The following ZNF333 variants were observed in gnomAD, a reference collection of about 807,000 sequenced individuals.
The protein encoded by ZNF333 is zinc finger protein 333.
A neutral mutation model predicts 76.1 loss-of-function variants in ZNF333; 61 were observed. That is an observed-to-expected ratio of 0.80 (90% CI 0.65 to 0.99). The LOEUF (loss-of-function observed/expected upper bound fraction) is 0.99, where lower values mean the gene tolerates loss of function less well. Among genes scored for constraint, ZNF333 ranks in the 50% least tolerant of loss-of-function variants. ZNF333 has a pLI of 0.00. For missense variants in ZNF333, 717 were observed against 822.4 expected (o/e 0.87, Z 1.57); for synonymous variants, 284 against 305.0 (o/e 0.93, Z 0.72).
chr19:14,724,114 T>C (rs1268289106), downstream of ZNF333, among the ~76,000 whole-genome samples: 1 of 152,196 alleles, frequency 6.6e-6, no homozygotes, highest in Non-Finnish European at 1.5e-5. Flanking sequence ...CAGGTGCCAC[T>C]GTCTAGGTCC....
At chr19:14,716,864 G>T in intron 9 of ZNF333, 130 bp from the exon 10 acceptor site, 1 of 731,606 alleles carries the variant, frequency 1.4e-6, no homozygotes, top group East Asian at 2.9e-5. Context: ...TTTGGCTGTG[G>T]CCATCAGAAT....
In ZNF333 at chr19:14,721,623, A is replaced by G. The variant is rs1370623819; in HGVS notation, c.*2298A>G. ...AGTTTATGCTTTTTAATTGCTGTGT[A>G]ATAGTCCATAGTCTGAATATACCAC... On this transcript the variant is annotated 3_prime_UTR_variant, in exon 12 of 12. Coordinates refer to ENST00000292530, the MANE Select transcript of ZNF333 (RefSeq NM_032433.4). The G allele has an allele frequency of 3.9e-5, 6 of 152,208 alleles. No individual in the cohort carries two copies. The highest frequency in any genetic ancestry group is 7.2e-5 in the African/African-American group (3 of 41,450). 9.4% of individuals were successfully genotyped at this position (152,208 alleles called of 1,614,324 possible). A position where few individuals can be genotyped will look rare whatever the true frequency, so the allele number is the denominator to read the frequency against.
chr19:14,718,406 G>T lies in ZNF333; in HGVS notation c.1079G>T (p.Arg360Leu). ...SAHLIVPEKI[R>L]SGDKSYACNK... ...CACCTAATTGTGCCCGAGAAAATCC[G>T]TAGTGGGGATAAATCCTATGCATGT... The change falls in exon 12 of 12, where the codon CGT becomes CTT. Residue 360 changes from arginine to leucine, a missense_variant. Transcript: ENST00000292530. The T allele has an allele frequency of 1.2e-6, 2 of 1,614,188 alleles. No individual in the cohort carries two copies. The highest frequency in any genetic ancestry group is 1.1e-5 in the South Asian group (1 of 91,088).
chr19:14,707,934 TAA>T, intron 7 of ZNF333: 1 of 401,076 alleles, frequency 2.5e-6, no homozygotes. Flanking sequence ...TTCTTAGATC[TAA>T]GTCTTGTGTT....
At position 14,719,077 on chromosome 19, in the gene ZNF333, C is replaced by CA; in HGVS notation, c.1751dup (p.His584GlnfsTer38). ...ATCCCTCAGGAAACATGCAAGGACT[C>CA]ACAGTGGCAAGAAGCCCTATGCATG... On this transcript the variant is annotated frameshift_variant, in exon 12 of 12. Coordinates refer to ENST00000292530, the MANE Select transcript of ZNF333 (RefSeq NM_032433.4). LOFTEE classifies it high-confidence loss of function. The CA allele has an allele frequency of 6.2e-7, 1 of 1,614,170 alleles. No individual in the cohort carries two copies.
At chr19:14,714,426 T>G (rs1292211222) in intron 7 of ZNF333, among the ~76,000 whole-genome samples, 1 of 151,914 alleles carries the variant, frequency 6.6e-6, no homozygotes, top group Non-Finnish European at 1.5e-5. Context: ...GAGCCCCAAG[T>G]GTCGATGGCC....
chr19:14,695,634 C>A lies in ZNF333; in HGVS notation c.196C>A (p.Arg66=). 6.2e-7 allele frequency: 1 copy of A among 1,614,160 alleles called. No homozygotes were observed. Among genetic ancestry groups the A allele is most frequent in the Non-Finnish European group, 8.5e-7 (1 of 1,180,024 alleles). The change falls in exon 4 of 12, where the codon CGA becomes AGA. Residue 66 remains arginine (R), a synonymous_variant. Coordinates refer to ENST00000292530, the MANE Select transcript of ZNF333 (RefSeq NM_032433.4). The part of the protein sequence containing the change: ...GQRAEPKATE[R]GILRATGVAW... ...AAGAGCAGAGCCAAAGGCAACAGAA[C>A]GAGGGATTCTCCGTGCCACAGGTGT...
chr19:14,712,616 G>A (rs887794231), intron 7 of ZNF333, among the ~76,000 whole-genome samples: 6 of 151,908 alleles, frequency 3.9e-5, no homozygotes, highest in Non-Finnish European at 7.4e-5. Context: ...CTGATGGCTC[G>A]GGGGGGAGGA....
Position 14,721,078 on chromosome 19 carries a change from C to A in ZNF333, c.*1753C>A. On this transcript the variant is annotated 3_prime_UTR_variant, in exon 12 of 12. Coordinates refer to ENST00000292530, the MANE Select transcript of ZNF333 (RefSeq NM_032433.4). ...AGAGTTTACTATTAATAGATAGTAG[C>A]CACTGCCTGAAGCTTTGCATCTTTT... 2.0e-5 allele frequency: 12 copies of A among 592,106 alleles called. No homozygotes were observed. Among genetic ancestry groups the A allele is most frequent in the Non-Finnish European group, 2.3e-5 (11 of 471,360 alleles). 36.7% of individuals were successfully genotyped at this position (592,106 alleles called of 1,614,324 possible). A position where few individuals can be genotyped will look rare whatever the true frequency, so the allele number is the denominator to read the frequency against.
intron 4 of ZNF333, 132 bp downstream of exon 4, chr19:14,695,793 A>C: frequency 2.8e-6 from 2 of 709,816 alleles, no homozygotes; most frequent in East Asian, 2.7e-5. Context: ...GAGGTTTCTC[A>C]AGTTCCTTTA....
chr19:14,733,599 C>T (rs895506285), exon 12 of ZNF333: 1 of 151,596 alleles, frequency 6.6e-6, no homozygotes, highest in African/African-American at 2.4e-5. Context: ...ACAAAAAAAA[C>T]ACAGAAGCAG....
intron 5 of ZNF333, 129 bp from the exon 6 acceptor site, chr19:14,704,925 G>C: frequency 1.3e-6 from 1 of 756,878 alleles, no homozygotes; most frequent in Non-Finnish European, 2.1e-6. Context: ...TTATGGGCAT[G>C]AGCCACTGCA....
At chr19:14,712,587 C>T (rs1599737789) in intron 7 of ZNF333, among the ~76,000 whole-genome samples, 1 of 151,956 alleles carries the variant, frequency 6.6e-6, no homozygotes, top group African/African-American at 2.4e-5. Flanking sequence ...ATTAAGGTGT[C>T]GACAGGGCCG....
chr19:14,724,463 C>T (rs2042621727), downstream of ZNF333, among the ~76,000 whole-genome samples: 1 of 152,168 alleles, frequency 6.6e-6, no homozygotes. Context: ...ATGACATTTT[C>T]TCCATTAAAA....
At position 14,699,297 on chromosome 19, in the gene ZNF333, T is replaced by C. The variant is rs756245501; in HGVS notation, c.306+16T>C. 2 of 1,609,840 alleles carry C rather than the reference T, an allele frequency of 1.2e-6. No homozygotes were observed. The highest frequency in any genetic ancestry group is 3.3e-5 in the Admixed American group (2 of 59,902). On this transcript the variant is annotated intron_variant, in intron 5 of 11. Transcript: ENST00000292530. ...CATGCAAATGGTAAGATGCACGGGGTTTTCCCCGGCTCCCAGCATGGGAGA... is the reference window on the plus strand; with the variant it reads ...CATGCAAATGGTAAGATGCACGGGGCTTTCCCCGGCTCCCAGCATGGGAGA...
At chr19:14,716,024 C>T in intron 8 of ZNF333, 88 bp from the exon 9 acceptor site, 1 of 1,576,366 alleles carries the variant, frequency 6.3e-7, no homozygotes, top group East Asian at 2.2e-5. Context: ...CCTGGGTTTT[C>T]CCTTCCCCAG....
chr19:14,701,945 C>T (rs2041969464), intron 5 of ZNF333: 1 of 952,924 alleles, frequency 1.0e-6, no homozygotes, highest in Non-Finnish European at 1.2e-6. Context: ...GCAGAGACCA[C>T]AGTCTCAGCT....
Position 14,717,703 on chromosome 19 carries a change from T to C in ZNF333, c.870T>C (p.Phe290=), listed in dbSNP as rs2042474619. The stretch of plus-strand genomic sequence containing the variant: ...AGGCAATTCCTAGCCAAGATACTTT[T>C]ACAGAGATCCTGTCCATTGATGTGA... ...PQEAIPSQDT[F]TEILSIDVKG... Residue 290 remains phenylalanine (F), a synonymous_variant, in exon 11 of 12, where the codon TTT becomes TTC. Coordinates refer to ENST00000292530, the MANE Select transcript of ZNF333 (RefSeq NM_032433.4). 2 of 1,614,044 alleles carry C rather than the reference T, an allele frequency of 1.2e-6. No homozygotes were observed. Among genetic ancestry groups the C allele is most frequent in the Non-Finnish European group, 1.7e-6 (2 of 1,180,016 alleles).
chr19:14,721,049 A>T lies in ZNF333; in HGVS notation c.*1724A>T, dbSNP rs2042573648. The T allele has an allele frequency of 3.1e-5, 25 of 815,700 alleles. No homozygotes were observed. Among genetic ancestry groups the T allele is most frequent in the Non-Finnish European group, 3.7e-5 (25 of 675,592 alleles). 50.5% of individuals were successfully genotyped at this position (815,700 alleles called of 1,614,324 possible). ...TTCATTGTAATGATAGTAAATACTT[A>T]TTTAGAGTTTACTATTAATAGATAG... On this transcript the variant is annotated 3_prime_UTR_variant, in exon 12 of 12. Transcript: ENST00000292530.
Sources: allele counts gnomAD v4.1 joint callset (sites outside exome capture counted in the v4.1 genomes callset), GRCh38; gene constraint gnomAD v4.1.1; transcripts MANE v1.5; gene names NCBI Gene and HGNC (gene_info 2026-07-23, HGNC 2026-07-21).